The following KAT6A variants were observed in gnomAD, a reference collection of about 807,000 sequenced individuals.
The protein encoded by KAT6A is lysine acetyltransferase 6A, also known as histone acetyltransferase KAT6A.
In KAT6A, 9 loss-of-function variants were observed where a neutral mutation model predicts 198.4. That is an observed-to-expected ratio of 0.05 (90% CI 0.03 to 0.08). The LOEUF is 0.08. Among genes scored for constraint, KAT6A ranks in the 10% least tolerant of loss-of-function variants. The probability of loss-of-function intolerance (pLI) is 1.00; values close to 1 mark genes in which losing one functional copy is unlikely to be tolerated. For synonymous variants in KAT6A, 890 were observed against 883.0 expected, an observed-to-expected ratio of 1.01 and a Z score of -0.14; for missense variants, 2,077 against 2,509.9, an observed-to-expected ratio of 0.83 and a Z score of 3.69.
At position 41,940,977 on chromosome 8, in the gene KAT6A, C is replaced by G; in HGVS notation, c.2904G>C (p.Arg968Ser). ...CACCCTCACTGTAGCGACGGGGCAG[C>G]CTCTCACTTCCTTCTGTTAATCTGC... ...LKCRLTEGSE[R>S]LPRRYSEGDR... The change falls in exon 15 of 17, where the codon AGG (arginine) becomes AGC (serine). Residue 968 changes from arginine to serine, a missense_variant. Arg to Ser is a moderately radical substitution (Grantham distance 110). Around this residue, in one of 13 missense-constraint regions of KAT6A, gnomAD observed 301 missense variants for 272.2 expected, o/e 1.11. Transcript: ENST00000265713. 6.2e-7 allele frequency: 1 copy of G among 1,614,156 alleles called. No individual in the cohort carries two copies. Among genetic ancestry groups the G allele is most frequent in the Non-Finnish European group, 8.5e-7 (1 of 1,180,036 alleles).
chr8:41,943,941 G>A lies in KAT6A; in HGVS notation c.2035C>T (p.Pro679Ser). ...CCCAGATCAGATAACGGTTTCTCTG[G>A]AGACCCTGCTTGGCCTTCACGCTTT... ...LSKREGQAGS[P>S]EKPLSDLGRL... is the part of the protein sequence containing the mutation. Residue 679 changes from proline to serine, a missense_variant, in exon 13 of 17, where the codon CCA becomes TCA. Pro to Ser is a moderately conservative substitution (Grantham distance 74). Transcript: ENST00000265713. 6.2e-7 allele frequency: 1 copy of A among 1,613,898 alleles called. No homozygotes were observed. Among genetic ancestry groups the A allele is most frequent in the East Asian group, 2.2e-5 (1 of 44,856 alleles).
In KAT6A at chr8:42,048,693, T is replaced by C. The variant is rs751393992; in HGVS notation, c.285A>G (p.Gln95=). 1.2e-6 allele frequency: 2 copies of C among 1,614,222 alleles called. No homozygotes were observed. The highest frequency in any genetic ancestry group is 1.7e-6 in the Non-Finnish European group (2 of 1,180,038). ...TTATCAGTTTATTCCAATCCACATTTTGTTTATTATCCAATTTTCCATGGT... is the reference window on the plus strand; with the variant it reads ...TTATCAGTTTATTCCAATCCACATTCTGTTTATTATCCAATTTTCCATGGT... ...PRNHGKLDNK[Q]NVDWNKLIKR... The change falls in exon 2 of 17, where the codon CAA becomes CAG. Residue 95 remains glutamine (Q), a synonymous_variant. Transcript: ENST00000265713.
Position 41,942,964 on chromosome 8 carries a change from A to G in KAT6A, c.2265T>C (p.Asp755=), listed in dbSNP as rs754655503. The change falls in exon 14 of 17, where the codon GAT becomes GAC. Residue 755 remains aspartate, a synonymous_variant. Coordinates refer to ENST00000265713, the MANE Select transcript of KAT6A (RefSeq NM_006766.5). The part of the protein sequence containing the change: ...VIIRREKLIQ[D]HMAKLQLNLR... ...AATTCAGCTGAAGCTTTGCCATGTG[A>G]TCCTGGATAAGTTTTTCCCGGCGGA... is the stretch of plus-strand genomic sequence containing the variant. 5 of 1,614,192 alleles carry G rather than the reference A, an allele frequency of 3.1e-6. No individual in the cohort carries two copies. Among genetic ancestry groups the G allele is most frequent in the Admixed American group, 1.7e-5 (1 of 60,026 alleles).
chr8:42,015,832 A>T (rs1826245365), intron 2 of KAT6A, among the ~76,000 whole-genome samples: 1 of 152,236 alleles, frequency 6.6e-6, no homozygotes, highest in African/African-American at 2.4e-5. Flanking sequence ...AACAGCCAAA[A>T]AATCTGACGT....
intron 2 of KAT6A, among the ~76,000 whole-genome samples, chr8:42,027,190 T>C (rs1826861277): frequency 6.6e-6 from 1 of 152,214 alleles, no homozygotes; most frequent in South Asian, 2.1e-4. Flanking sequence ...CAGTATTTTG[T>C]TGAGGATTTT....
chr8:41,962,437 C>T (rs1436633041), intron 8 of KAT6A, among the ~76,000 whole-genome samples: 1 of 152,128 alleles, frequency 6.6e-6, no homozygotes, highest in Non-Finnish European at 1.5e-5. Context: ...GTTCTGGCAT[C>T]GTCTCGGACT....
chr8:41,981,997 T>G (rs1824378009), intron 3 of KAT6A, 43 bp from the exon 4 acceptor site: 1 of 1,142,942 alleles, frequency 8.7e-7, no homozygotes, highest in Non-Finnish European at 1.3e-6. Flanking sequence ...AATCAAGAAC[T>G]ATTTTGCTAT....
Position 41,929,849 on chromosome 8 carries a change from G to T in KAT6A, c.*2356C>A. 1 of 202,570 alleles carries T rather than the reference G, an allele frequency of 4.9e-6. No homozygotes were observed. The highest frequency in any genetic ancestry group is 1.0e-5 in the Non-Finnish European group (1 of 98,780). The allele number at this position is 202,570 out of a possible 1,614,324, so 12.5% of individuals were successfully genotyped here. A position where few individuals can be genotyped will look rare whatever the true frequency, so the allele number is the denominator to read the frequency against. ...ATAGTTTTTAATATTCTACAACAAA[G>T]ATAAAAAATTTTAAAGATGGAATGA... On this transcript the variant is annotated 3_prime_UTR_variant, in exon 17 of 17. Coordinates refer to ENST00000265713, the MANE Select transcript of KAT6A (RefSeq NM_006766.5).
intron 2 of KAT6A, among the ~76,000 whole-genome samples, chr8:42,001,027 G>C (rs1445577447): frequency 6.6e-6 from 1 of 152,164 alleles, no homozygotes; most frequent in Non-Finnish European, 1.5e-5. Flanking sequence ...GGGAAGGAAG[G>C]AGGAGGAAGG....
Position 41,937,381 on chromosome 8 carries a change from T to G in KAT6A, c.3227A>C (p.Glu1076Ala). 6.2e-7 allele frequency: 1 copy of G among 1,614,164 alleles called. No individual in the cohort carries two copies. Among genetic ancestry groups the G allele is most frequent in the South Asian group, 1.1e-5 (1 of 91,078 alleles). ...EIDEEEEEED[E>A]NELFPREYFR... ...GTATTCTCTAGGGAAAAGTTCATTT[T>G]CATCCTCTTCCTCCTCTTCTTCATC... Residue 1076 changes from glutamate (E) to alanine (A), a missense_variant, in exon 16 of 17, where the codon GAA becomes GCA. Transcript: ENST00000265713.
At chr8:42,035,490 A>C (rs1827329719) in intron 2 of KAT6A, among the ~76,000 whole-genome samples, 1 of 152,346 alleles carries the variant, frequency 6.6e-6, no homozygotes, top group South Asian at 2.1e-4. Context: ...AACTCTCTAG[A>C]AAACAGTAAG....
chr8:41,997,344 G>T (rs953213305), intron 2 of KAT6A, among the ~76,000 whole-genome samples: 17 of 151,426 alleles, frequency 1.1e-4, no homozygotes, highest in African/African-American at 4.1e-4. Flanking sequence ...CCATTCCTGT[G>T]GAACCCTAGG....
At chr8:42,001,514 T>G (rs575493154) in intron 2 of KAT6A, among the ~76,000 whole-genome samples, 14 of 152,324 alleles carry the variant, frequency 9.2e-5, no homozygotes, top group African/African-American at 3.4e-4. Context: ...TCTAAAATTT[T>G]TCTATGCTAC....
chr8:41,960,506 C>CAA (rs71548553), intron 8 of KAT6A, among the ~76,000 whole-genome samples: 4,044 of 84,854 alleles, frequency 0.048, 213 homozygotes, highest in African/African-American at 0.11. Flanking sequence ...GACTCCGTCT[C>CAA]AAAAAAAAAA....
chr8:41,981,618 C>T (rs571105370), intron 4 of KAT6A, among the ~76,000 whole-genome samples: 2 of 152,250 alleles, frequency 1.3e-5, no homozygotes, highest in East Asian at 3.9e-4. Flanking sequence ...AGTCTCTCTG[C>T]AAATATATAA....
chr8:41,955,799 C>A (rs1217552001), intron 8 of KAT6A, among the ~76,000 whole-genome samples: 1 of 152,136 alleles, frequency 6.6e-6, no homozygotes, highest in African/African-American at 2.4e-5. Context: ...TTGCTGAAGT[C>A]CTACCACACT....
intron 8 of KAT6A, among the ~76,000 whole-genome samples, chr8:41,973,330 A>G (rs1823892493): frequency 6.6e-6 from 1 of 151,314 alleles, no homozygotes; most frequent in South Asian, 2.1e-4. Context: ...GATTCAAGTG[A>G]TTCTTCTGCC....
At chr8:41,983,270 A>G (rs1358497034) in intron 3 of KAT6A, among the ~76,000 whole-genome samples, 1 of 152,204 alleles carries the variant, frequency 6.6e-6, no homozygotes, top group Non-Finnish European at 1.5e-5. Flanking sequence ...TTCTATTCCT[A>G]AAGGATTTTC....
chr8:42,021,447 C>T (rs1305629212), intron 2 of KAT6A, among the ~76,000 whole-genome samples: 1 of 152,116 alleles, frequency 6.6e-6, no homozygotes, highest in Non-Finnish European at 1.5e-5. Context: ...GGTAAGGTTG[C>T]TTTATGAATT....
Sources: allele counts gnomAD v4.1 joint callset (sites outside exome capture counted in the v4.1 genomes callset), GRCh38; gene constraint gnomAD v4.1.1; regional missense constraint gnomAD v4.1.1; transcripts MANE v1.5; gene names NCBI Gene and HGNC (gene_info 2026-07-23, HGNC 2026-07-21).